Variants in MYLK4 observed in about 807,000 individuals in gnomAD.
The protein encoded by MYLK4 is caMLCK like.
MYLK4 carries 46 observed loss-of-function variants against 48.1 expected under a neutral mutation model. The observed-to-expected ratio is 0.96, with a 90% confidence interval of 0.75 to 1.22. The LOEUF is 1.22. Among genes scored for constraint, MYLK4 ranks in the 50% most tolerant of loss-of-function variants. MYLK4 has a pLI of 0.00. For synonymous variants in MYLK4, 170 were observed against 180.8 expected, an observed-to-expected ratio of 0.94 and a Z score of 0.48; for missense variants, 451 against 486.1, an observed-to-expected ratio of 0.93 and a Z score of 0.68.
intron 2 of MYLK4, among the ~76,000 whole-genome samples, chr6:2,735,122 C>T (rs1207461947): frequency 5.9e-5 from 9 of 152,214 alleles, no homozygotes; most frequent in Admixed American, 5.9e-4. Context: ...TGGGCAATGC[C>T]TCTTAGCCAT....
At chr6:2,752,214 T>A (rs1764308414), upstream of MYLK4, among the ~76,000 whole-genome samples, 1 of 152,226 alleles carries the variant, frequency 6.6e-6, no homozygotes, top group African/African-American at 2.4e-5. Flanking sequence ...AATAAACTTT[T>A]CCTTTTAGAG....
intron 10 of MYLK4, among the ~76,000 whole-genome samples, chr6:2,677,103 C>T (rs1361187552): frequency 6.6e-6 from 1 of 152,128 alleles, no homozygotes; most frequent in East Asian, 1.9e-4. Flanking sequence ...CCTAGCCTGG[C>T]TAGGTTCTCT....
intron 2 of MYLK4, among the ~76,000 whole-genome samples, chr6:2,700,616 T>C (rs754484434): frequency 6.6e-6 from 1 of 151,924 alleles, no homozygotes; most frequent in South Asian, 2.1e-4. Context: ...CAGGGATACG[T>C]GTGTGGAAAT....
chr6:2,715,756 C>T (rs1582086658), intron 2 of MYLK4, among the ~76,000 whole-genome samples: 1 of 152,296 alleles, frequency 6.6e-6, no homozygotes, highest in African/African-American at 2.4e-5. Context: ...CTTGCTGTCT[C>T]CCCATTTCTG....
At chr6:2,705,659 T>G (rs1386959158) in intron 2 of MYLK4, among the ~76,000 whole-genome samples, 1 of 152,258 alleles carries the variant, frequency 6.6e-6, no homozygotes, top group African/African-American at 2.4e-5. Context: ...ATCAGCCATT[T>G]ATTTTCCATG....
At chr6:2,694,763 T>C (rs180853624) in intron 2 of MYLK4, among the ~76,000 whole-genome samples, 32 of 152,160 alleles carry the variant, frequency 2.1e-4, no homozygotes, top group Non-Finnish European at 3.1e-4. Context: ...CCCTTTAAGA[T>C]AGATACTATT....
intron 2 of MYLK4, among the ~76,000 whole-genome samples, chr6:2,730,611 A>T (rs532591884): frequency 6.6e-6 from 1 of 152,318 alleles, no homozygotes; most frequent in South Asian, 2.1e-4. Flanking sequence ...TTGCTAATGA[A>T]ACATTTAAAA....
At chr6:2,749,768 G>C (rs938613992) in intron 1 of MYLK4, among the ~76,000 whole-genome samples, 1 of 152,128 alleles carries the variant, frequency 6.6e-6, no homozygotes, top group Admixed American at 6.6e-5. Flanking sequence ...CCCGTGGGAA[G>C]GGCTTATCAC....
chr6:2,687,669 A>G (rs1266610042), intron 4 of MYLK4, among the ~76,000 whole-genome samples: 1 of 152,162 alleles, frequency 6.6e-6, no homozygotes, highest in African/African-American at 2.4e-5. Flanking sequence ...GGGGCATTCT[A>G]TGAGATCAGC....
intron 2 of MYLK4, among the ~76,000 whole-genome samples, chr6:2,724,465 C>A (rs1019343527): frequency 2.0e-5 from 3 of 152,146 alleles, no homozygotes; most frequent in Admixed American, 2.0e-4. Flanking sequence ...TATGCAGGGA[C>A]CTTTCGTCAC....
chr6:2,678,272 T>C lies in MYLK4; in HGVS notation c.988A>G (p.Ile330Val), dbSNP rs1449975628. 6.2e-7 allele frequency: 1 copy of C among 1,614,014 alleles called. No homozygotes were observed. The highest frequency in any genetic ancestry group is 8.5e-7 in the Non-Finnish European group (1 of 1,179,950). The change falls in exon 10 of 13, where the codon ATC becomes GTC. Residue 330 changes from isoleucine (I) to valine (V), a missense_variant. By Grantham distance (29) the Ile-to-Val change is conservative (BLOSUM62 3). Coordinates refer to ENST00000274643, the MANE Select transcript of MYLK4 (RefSeq NM_001012418.5). ...ATGAACTCCTTGGCCTCCTCCGAGA[T>C]GTCCTGAAATTCTTCATCCTCTAAG... ...WDLEDEEFQD[I>V]SEEAKEFISK... is the part of the protein sequence containing the mutation.
At chr6:2,712,206 G>T (rs1762699033) in intron 2 of MYLK4, among the ~76,000 whole-genome samples, 1 of 152,182 alleles carries the variant, frequency 6.6e-6, no homozygotes, top group African/African-American at 2.4e-5. Context: ...GTTCAGCAGA[G>T]GCCACCTGAG....
At chr6:2,684,799 C>A (rs1437584652) in intron 6 of MYLK4, among the ~76,000 whole-genome samples, 1 of 152,158 alleles carries the variant, frequency 6.6e-6, no homozygotes, top group Non-Finnish European at 1.5e-5. Flanking sequence ...TGAGTGTCCT[C>A]CGGTTTTGGT....
At chr6:2,730,210 A>C (rs1180522114) in intron 2 of MYLK4, among the ~76,000 whole-genome samples, 1 of 152,180 alleles carries the variant, frequency 6.6e-6, no homozygotes, top group Non-Finnish European at 1.5e-5. Flanking sequence ...CAAGGAGGGG[A>C]AGCGCTGTCA....
chr6:2,766,581 G>A, the MYLK4 span: 20 of 1,378,064 alleles, frequency 1.5e-5, no homozygotes, highest in Non-Finnish European at 1.8e-5. Flanking sequence ...CTTGGGCTGG[G>A]CTGGGGCAGT....
chr6:2,683,378 A>C (rs1384955565), intron 6 of MYLK4, among the ~76,000 whole-genome samples: 24 of 122,102 alleles, frequency 2.0e-4, no homozygotes, highest in Admixed American at 2.8e-4. Context: ...CCTCAAGCCA[A>C]CTCCCCACCT....
intron 2 of MYLK4, among the ~76,000 whole-genome samples, chr6:2,742,014 C>G (rs1409857005): frequency 6.6e-6 from 1 of 152,156 alleles, no homozygotes; most frequent in Non-Finnish European, 1.5e-5. Context: ...CAGTGACTGC[C>G]TAAAAACACA....
intron 2 of MYLK4, among the ~76,000 whole-genome samples, chr6:2,740,548 C>G (rs1443284726): frequency 6.6e-6 from 1 of 152,184 alleles, no homozygotes; most frequent in African/African-American, 2.4e-5. Context: ...TCTGAAGTAG[C>G]CAGTTTGGCA....
chr6:2,755,635 C>T (rs1764411401), upstream of MYLK4, among the ~76,000 whole-genome samples: 1 of 152,138 alleles, frequency 6.6e-6, no homozygotes, highest in African/African-American at 2.4e-5. Flanking sequence ...TTGACCTTGG[C>T]TCAAGTGATC....
Sources: allele counts gnomAD v4.1 joint callset (sites outside exome capture counted in the v4.1 genomes callset), GRCh38; gene constraint gnomAD v4.1.1; transcripts MANE v1.5; gene names NCBI Gene and HGNC (gene_info 2026-07-23, HGNC 2026-07-21).